Variants in NCOR1 observed in about 807,000 individuals in gnomAD.
NCOR1 encodes the protein nuclear receptor corepressor 1, also known as protein phosphatase 1, regulatory subunit 109.
In NCOR1, 63 loss-of-function variants were observed where a neutral mutation model predicts 288.1. The observed-to-expected ratio is 0.22, with a 90% confidence interval of 0.18 to 0.27. The LOEUF (loss-of-function observed/expected upper bound fraction) is 0.27, where lower values mean the gene tolerates loss of function less well. Ranked by LOEUF, NCOR1 falls within the 10% of genes least tolerant of loss-of-function variation. NCOR1 has a pLI of 1.00. For missense variants in NCOR1, 2,397 were observed against 3,019.2 expected, an observed-to-expected ratio of 0.79 and a Z score of 4.83; for synonymous variants, 1,007 against 1,065.9, an observed-to-expected ratio of 0.94 and a Z score of 1.08.
At chr17:16,172,099 GC>G in intron 3 of NCOR1, 104 bp from the exon 4 acceptor site, 1 of 948,794 alleles carries the variant, frequency 1.1e-6, no homozygotes, top group Admixed American at 3.1e-5. Context: ...AAAAAGTCAT[GC>G]TTACATTCAA....
At chr17:16,157,976 ATTTTTT>A (rs556854474) in intron 6 of NCOR1, among the ~76,000 whole-genome samples, 1 of 144,946 alleles carries the variant, frequency 6.9e-6, no homozygotes, top group East Asian at 2.0e-4. Context: ...TTGAACTTTG[ATTTTTT>A]TTTTTTTTGA....
At chr17:16,039,328 A>G in intron 44 of NCOR1, 105 bp downstream of exon 44, 1 of 1,089,520 alleles carries the variant, frequency 9.2e-7, no homozygotes, top group Non-Finnish European at 1.3e-6. Context: ...GACTCTGAGC[A>G]CATAAAGACA....
intron 33 of NCOR1, 85 bp from the exon 34 acceptor site, chr17:16,065,104 T>G (rs572621959): frequency 1.6e-6 from 2 of 1,232,110 alleles, no homozygotes; most frequent in Non-Finnish European, 2.3e-6. Context: ...TCTATCTCTG[T>G]GAATCAAGGG....
At chr17:16,081,588 T>G (rs1206293942) in intron 23 of NCOR1, among the ~76,000 whole-genome samples, 2 of 152,138 alleles carry the variant, frequency 1.3e-5, no homozygotes, top group Admixed American at 6.5e-5. Context: ...CTTAAAAGCC[T>G]CATTCCCAGA....
chr17:16,056,596 G>A (rs1417056336), intron 40 of NCOR1, among the ~76,000 whole-genome samples: 8 of 151,674 alleles, frequency 5.3e-5, no homozygotes, highest in African/African-American at 1.9e-4. Flanking sequence ...GATTACAGGC[G>A]TGAGCCACCA....
intron 22 of NCOR1, among the ~76,000 whole-genome samples, chr17:16,090,489 C>T (rs564881635): frequency 2.0e-4 from 31 of 152,138 alleles, no homozygotes; most frequent in Non-Finnish European, 4.3e-4. Flanking sequence ...TCCATTATGT[C>T]ATTCATTTAT....
intron 4 of NCOR1, among the ~76,000 whole-genome samples, chr17:16,170,356 G>T (rs2153460981): frequency 1.3e-5 from 2 of 152,152 alleles, no homozygotes; most frequent in Non-Finnish European, 2.9e-5. Context: ...TTTAAAAAAA[G>T]AAAAACTGAA....
At chr17:16,127,724 T>G (rs1354555980) in intron 14 of NCOR1, among the ~76,000 whole-genome samples, 1 of 123,636 alleles carries the variant, frequency 8.1e-6, no homozygotes, top group Non-Finnish European at 1.8e-5. Context: ...TATATATACA[T>G]ATATGTGTAT....
intron 4 of NCOR1, among the ~76,000 whole-genome samples, chr17:16,165,697 G>C (rs2081890429): frequency 1.3e-5 from 2 of 152,110 alleles, no homozygotes; most frequent in African/African-American, 4.8e-5. Context: ...ACTATCTCTA[G>C]GCCTACTTTC....
chr17:16,131,881 C>G (rs1455396423), intron 14 of NCOR1, among the ~76,000 whole-genome samples: 1 of 152,210 alleles, frequency 6.6e-6, no homozygotes, highest in Non-Finnish European at 1.5e-5. Flanking sequence ...ATACCCAGTT[C>G]TTATTAACCA....
At chr17:16,034,625 G>A in intron 45 of NCOR1, 140 bp downstream of exon 45, 1 of 785,362 alleles carries the variant, frequency 1.3e-6, no homozygotes, top group South Asian at 2.1e-5. Flanking sequence ...TTCTATTCGG[G>A]AAAGTGGAAC....
chr17:16,104,993 C>T (rs2068323779), intron 19 of NCOR1, among the ~76,000 whole-genome samples: 1 of 151,932 alleles, frequency 6.6e-6, no homozygotes, highest in East Asian at 1.9e-4. Flanking sequence ...GTTGGTTTGC[C>T]CAGGAACAGC....
At chr17:16,145,836 C>A (rs1568316908) in intron 10 of NCOR1, among the ~76,000 whole-genome samples, 1 of 151,974 alleles carries the variant, frequency 6.6e-6, no homozygotes. Context: ...ATGACGATGG[C>A]GGTTTTGTCG....
At chr17:16,047,277 A>T (rs1423538901) in intron 41 of NCOR1, among the ~76,000 whole-genome samples, 184 bp from the exon 42 acceptor site, 1 of 152,212 alleles carries the variant, frequency 6.6e-6, no homozygotes, top group Admixed American at 6.5e-5. Flanking sequence ...TTGAGGAAAA[A>T]TGATTTAGCT....
chr17:16,064,525 C>T (rs747926483), intron 34 of NCOR1, among the ~76,000 whole-genome samples: 1 of 151,902 alleles, frequency 6.6e-6, no homozygotes, highest in Non-Finnish European at 1.5e-5. Context: ...ATCTCTTGAA[C>T]CTGGGAGATG....
chr17:16,209,761 G>C (rs2091941299), intron 1 of NCOR1, among the ~76,000 whole-genome samples: 1 of 151,740 alleles, frequency 6.6e-6, no homozygotes, highest in Admixed American at 6.6e-5. Context: ...AGATCAGCCT[G>C]GCCAACATGG....
intron 14 of NCOR1, among the ~76,000 whole-genome samples, chr17:16,134,231 A>G (rs1315798261): frequency 6.6e-6 from 1 of 152,220 alleles, no homozygotes; most frequent in African/African-American, 2.4e-5. Flanking sequence ...TAAGTATACA[A>G]ACAATTAAGA....
chr17:16,126,269 G>A (rs1183986302), intron 14 of NCOR1, 63 bp from the exon 15 acceptor site: 8 of 1,418,960 alleles, frequency 5.6e-6, no homozygotes, highest in South Asian at 1.7e-5. Flanking sequence ...CTTATAGTGT[G>A]ATAAATTATG....
intron 4 of NCOR1, among the ~76,000 whole-genome samples, chr17:16,169,671 A>G (rs2082737892): frequency 6.6e-6 from 1 of 152,180 alleles, no homozygotes; most frequent in Non-Finnish European, 1.5e-5. Flanking sequence ...CTGAACACCC[A>G]GTTTCTCAAC....
Sources: gnomAD v4.1 joint callset for allele counts (sites outside exome capture counted in the v4.1 genomes callset) on GRCh38, gnomAD v4.1.1 for gene constraint, MANE v1.5 for transcripts, NCBI Gene and HGNC (gene_info 2026-07-23, HGNC 2026-07-21) for gene names.